KCNN3: variants seen among roughly 807,000 people sequenced by gnomAD.
KCNN3 encodes the protein potassium calcium-activated channel subfamily N member 3.
A neutral mutation model predicts 62.9 loss-of-function variants in KCNN3; 16 were observed. The ratio of observed to expected loss-of-function variants is 0.25; its 90% confidence interval spans 0.17 to 0.39. The LOEUF is 0.39. Ranked by LOEUF, KCNN3 falls within the 10% of genes least tolerant of loss-of-function variation. KCNN3 has a pLI of 1.00. For synonymous variants in KCNN3, 370 were observed against 389.2 expected (o/e 0.95, Z 0.58); for missense variants, 599 against 949.4 (o/e 0.63, Z 4.85).
intron 1 of KCNN3, among the ~76,000 whole-genome samples, chr1:154,848,960 G>A (rs968149017): frequency 6.6e-6 from 1 of 152,176 alleles, no homozygotes; most frequent in Non-Finnish European, 1.5e-5. Flanking sequence ...GGGCATCAGT[G>A]AAAGTTTGCC....
chr1:154,768,332 C>T (rs1648390220), intron 3 of KCNN3, among the ~76,000 whole-genome samples: 1 of 152,200 alleles, frequency 6.6e-6, no homozygotes, highest in South Asian at 2.1e-4. Context: ...ATCATTTAAG[C>T]TTGATTCTAA....
At chr1:154,861,180 C>G (rs1389068901) in intron 1 of KCNN3, among the ~76,000 whole-genome samples, 1 of 152,050 alleles carries the variant, frequency 6.6e-6, no homozygotes, top group Non-Finnish European at 1.5e-5. Context: ...GTCTCGAGCT[C>G]CTGACCTCAG....
chr1:154,724,855 G>T (rs1700426587), intron 5 of KCNN3, among the ~76,000 whole-genome samples: 1 of 149,638 alleles, frequency 6.7e-6, no homozygotes, highest in Non-Finnish European at 1.5e-5. Flanking sequence ...CTACTAGAAT[G>T]ATTCTTTTTT....
intron 1 of KCNN3, among the ~76,000 whole-genome samples, chr1:154,852,921 C>A (rs1027071507): frequency 8.5e-5 from 13 of 152,162 alleles, no homozygotes; most frequent in Non-Finnish European, 1.5e-4. Flanking sequence ...GATCCCTCAC[C>A]ACTTCAGATC....
At chr1:154,816,544 C>T (rs988561937) in intron 2 of KCNN3, among the ~76,000 whole-genome samples, 4 of 152,200 alleles carry the variant, frequency 2.6e-5, no homozygotes, top group African/African-American at 9.7e-5. Flanking sequence ...GGATGCCAGG[C>T]TCTGCTCCAC....
chr1:154,756,140 G>T (rs1647682262), intron 3 of KCNN3, among the ~76,000 whole-genome samples: 2 of 121,558 alleles, frequency 1.6e-5, no homozygotes, highest in African/African-American at 6.9e-5. Context: ...AGGAGGAAGA[G>T]GAGGAAGAAG....
intron 5 of KCNN3, among the ~76,000 whole-genome samples, chr1:154,721,000 G>A (rs925949725): frequency 6.6e-6 from 1 of 152,246 alleles, no homozygotes; most frequent in African/African-American, 2.4e-5. Context: ...GGAAGAACAC[G>A]ATGTCAGGAG....
chr1:154,730,811 C>A lies in KCNN3; in HGVS notation c.1590+2192G>T, dbSNP rs533720162. On this transcript the variant is annotated intron_variant, in intron 4 of 7. Coordinates refer to ENST00000271915, the MANE Select transcript of KCNN3 (RefSeq NM_002249.6). ...GTTTCTTCTTTCCACTTTGATCACA[C>A]CTCAATCCACAGGGAACAGAACGCT... 5.3e-5 allele frequency among the ~76,000 whole-genome samples: 8 copies of A among 152,298 alleles called. No individual in the cohort carries two copies. The South Asian group carries it at 1.5e-3, about 28-fold the overall frequency.
At chr1:154,791,240 A>C (rs1231805725) in intron 2 of KCNN3, among the ~76,000 whole-genome samples, 2 of 151,808 alleles carry the variant, frequency 1.3e-5, no homozygotes, top group South Asian at 2.1e-4. Flanking sequence ...AAAAAAAAAA[A>C]AAAAAACAAG....
rs1360344916 is a variant in KCNN3 at position 154,750,741 on chromosome 1, G to C, written c.1449-17597C>G. On this transcript the variant is annotated intron_variant, in intron 3 of 7. Coordinates refer to ENST00000271915, the MANE Select transcript of KCNN3 (RefSeq NM_002249.6). The stretch of plus-strand genomic sequence containing the variant: ...TTAAGAGACCATCTTTGAAGACACA[G>C]ATGCCCAGGAGGCTTGCCCTAAATC... 2.6e-5 allele frequency among the ~76,000 whole-genome samples: 4 copies of C among 152,246 alleles called. No individual in the cohort carries two copies. In the East Asian group the frequency reaches 7.7e-4, roughly 29 times the overall value.
At chr1:154,797,540 C>T (rs758822633) in intron 2 of KCNN3, among the ~76,000 whole-genome samples, 24 of 152,348 alleles carry the variant, frequency 1.6e-4, no homozygotes, top group Non-Finnish European at 3.2e-4. Context: ...ACATTCCGTT[C>T]TTTGTCTGCA....
At chr1:154,731,082 C>A (rs1256306857) in intron 4 of KCNN3, among the ~76,000 whole-genome samples, 1 of 152,160 alleles carries the variant, frequency 6.6e-6, no homozygotes, top group Non-Finnish European at 1.5e-5. Context: ...ATAACAGAGG[C>A]TCCCGGCAGG....
At chr1:154,804,816 G>A (rs183404341) in intron 2 of KCNN3, among the ~76,000 whole-genome samples, 6 of 152,126 alleles carry the variant, frequency 3.9e-5, no homozygotes, top group African/African-American at 1.2e-4. Flanking sequence ...AGCTAGAATC[G>A]TTCACCCCAA....
intron 2 of KCNN3, among the ~76,000 whole-genome samples, chr1:154,777,270 C>G (rs1648831125): frequency 6.6e-6 from 1 of 152,092 alleles, no homozygotes; most frequent in African/African-American, 2.4e-5. Context: ...CTGAGCTCTC[C>G]AGGGACAGGA....
intron 1 of KCNN3, among the ~76,000 whole-genome samples, chr1:154,834,105 C>T (rs757164492): frequency 7.2e-5 from 11 of 152,222 alleles, no homozygotes; most frequent in Non-Finnish European, 1.5e-4. Context: ...CAAACACAGG[C>T]TATTAATAGA....
chr1:154,738,828 T>C (rs1700768409), intron 3 of KCNN3, among the ~76,000 whole-genome samples: 1 of 152,236 alleles, frequency 6.6e-6, no homozygotes, highest in Admixed American at 6.5e-5. Context: ...TGAAAAGTTC[T>C]GCAGGAAGGG....
intron 2 of KCNN3, among the ~76,000 whole-genome samples, chr1:154,812,876 G>A (rs1183488359): frequency 6.6e-6 from 1 of 152,160 alleles, no homozygotes; most frequent in Non-Finnish European, 1.5e-5. Flanking sequence ...AAGTTGTTCG[G>A]ACAGTCCCAC....
chr1:154,819,928 C>G (rs1403119651), intron 2 of KCNN3, among the ~76,000 whole-genome samples: 1 of 152,204 alleles, frequency 6.6e-6, no homozygotes, highest in Non-Finnish European at 1.5e-5. Context: ...GTTTCCAACC[C>G]CTGCAAGAGT....
At chr1:154,797,226 C>T (rs1211431659) in intron 2 of KCNN3, among the ~76,000 whole-genome samples, 3 of 152,180 alleles carry the variant, frequency 2.0e-5, no homozygotes, top group South Asian at 2.1e-4. Context: ...TACCATATTA[C>T]CTGACATTCT....
Sources: allele counts gnomAD v4.1 joint callset (sites outside exome capture counted in the v4.1 genomes callset), GRCh38; gene constraint gnomAD v4.1.1; transcripts MANE v1.5; gene names NCBI Gene and HGNC (gene_info 2026-07-23, HGNC 2026-07-21).